HS6ST3: variants seen among roughly 807,000 people sequenced by gnomAD.
HS6ST3 encodes the protein heparan-sulfate 6-O-sulfotransferase 3.
Under a neutral mutation model 36.7 loss-of-function variants are expected in HS6ST3, and 12 were observed. The observed-to-expected ratio is 0.33, with a 90% confidence interval of 0.21 to 0.53. The LOEUF (loss-of-function observed/expected upper bound fraction) is 0.53, where lower values mean the gene tolerates loss of function less well. Among genes scored for constraint, HS6ST3 ranks in the 20% least tolerant of loss-of-function variants. The pLI, the probability that HS6ST3 is intolerant of heterozygous loss-of-function variation, is 0.95. For synonymous variants in HS6ST3, 240 were observed against 257.5 expected, an observed-to-expected ratio of 0.93 and a Z score of 0.65; for missense variants, 584 against 640.9, an observed-to-expected ratio of 0.91 and a Z score of 0.96.
Position 96,113,933 on chromosome 13 carries a change from T to A in HS6ST3, c.707+22364T>A, listed in dbSNP as rs2053882035. ...ACTATGGTACAACAAATTGATGTAA[T>A]ATTATGCCCCCATTAAAATGATAAT... On this transcript the variant is annotated intron_variant, in intron 1 of 1. Coordinates refer to ENST00000376705, the MANE Select transcript of HS6ST3 (RefSeq NM_153456.4). Among the ~76,000 whole-genome samples, 3 of 152,104 alleles carry A rather than the reference T, an allele frequency of 2.0e-5. No individual in the cohort carries two copies. The South Asian group carries it at 6.2e-4, about 32-fold the overall frequency.
intron 1 of HS6ST3, among the ~76,000 whole-genome samples, chr13:96,536,251 T>C (rs748897828): frequency 1.3e-5 from 2 of 152,220 alleles, no homozygotes; most frequent in Non-Finnish European, 2.9e-5. Context: ...ACTTAGAAGC[T>C]TTGGCAGAAA....
At chr13:96,686,128 A>G (rs1320028499) in intron 1 of HS6ST3, among the ~76,000 whole-genome samples, 2 of 151,942 alleles carry the variant, frequency 1.3e-5, no homozygotes, top group Non-Finnish European at 2.9e-5. Context: ...TCATCATCAC[A>G]CTTTCTCATT....
At chr13:96,651,614 A>AT (rs2056607925) in intron 1 of HS6ST3, among the ~76,000 whole-genome samples, 1 of 152,068 alleles carries the variant, frequency 6.6e-6, no homozygotes, top group Non-Finnish European at 1.5e-5. Context: ...TTAAAATTAG[A>AT]TAAAAAACTT....
chr13:96,530,789 A>G (rs1417567919), intron 1 of HS6ST3, among the ~76,000 whole-genome samples: 1 of 152,122 alleles, frequency 6.6e-6, no homozygotes, highest in South Asian at 2.1e-4. Flanking sequence ...TGCCCTGGCT[A>G]TGGTGTTTTC....
chr13:96,191,696 G>T (rs1013750208), intron 1 of HS6ST3, among the ~76,000 whole-genome samples: 1 of 152,060 alleles, frequency 6.6e-6, no homozygotes, highest in African/African-American at 2.4e-5. Context: ...TATCTGAAAG[G>T]CCTGAAACGG....
At chr13:96,688,321 G>A (rs867407407) in intron 1 of HS6ST3, among the ~76,000 whole-genome samples, 7 of 151,848 alleles carry the variant, frequency 4.6e-5, no homozygotes, top group African/African-American at 1.7e-4. Context: ...CTAGGCCAAG[G>A]GAGCGTGGAT....
intron 1 of HS6ST3, among the ~76,000 whole-genome samples, chr13:96,474,826 G>A (rs531708425): frequency 1.3e-5 from 2 of 152,222 alleles, no homozygotes; most frequent in South Asian, 4.2e-4. Flanking sequence ...ACAATCTTTG[G>A]ATTGCTCTGT....
chr13:96,342,321 G>A (rs2055134893), intron 1 of HS6ST3, among the ~76,000 whole-genome samples: 1 of 151,984 alleles, frequency 6.6e-6, no homozygotes, highest in South Asian at 2.1e-4. Context: ...ACTTCCTCTA[G>A]ACTGAGTTCC....
In HS6ST3 at chr13:96,428,888, C is replaced by G. The variant is rs17687228; in HGVS notation, c.707+337319C>G. On this transcript the variant is annotated intron_variant, in intron 1 of 1. Coordinates refer to ENST00000376705, the MANE Select transcript of HS6ST3 (RefSeq NM_153456.4). ...GGACAAAAATGCTCAATGGGAGAAC[C>G]AAGCTGCTTAAGCAGTAAATAGAAT... Among the ~76,000 whole-genome samples the G allele has an allele frequency of 5.8e-3, 886 of 152,232 alleles. 6 individuals carry two copies. Among genetic ancestry groups the G allele is most frequent in the Non-Finnish European group, 0.01 (713 of 68,020 alleles).
chr13:96,255,497 T>C (rs1008813623), intron 1 of HS6ST3, among the ~76,000 whole-genome samples: 1 of 152,202 alleles, frequency 6.6e-6, no homozygotes, highest in Non-Finnish European at 1.5e-5. Context: ...ACCATGCGAT[T>C]TAAATTCATT....
intron 1 of HS6ST3, among the ~76,000 whole-genome samples, chr13:96,703,717 T>C (rs1339967538): frequency 1.3e-5 from 2 of 152,208 alleles, no homozygotes; most frequent in African/African-American, 2.4e-5. Flanking sequence ...CATGTTGATA[T>C]TAGTCCTTAC....
intron 1 of HS6ST3, among the ~76,000 whole-genome samples, chr13:96,366,880 C>T (rs9584361): frequency 0.3 from 45,050 of 152,040 alleles, 7,916 homozygotes; most frequent in Non-Finnish European, 0.4. Context: ...GAATAAGTCT[C>T]GCAAGACCTG....
At chr13:96,307,302 T>C (rs905732283) in intron 1 of HS6ST3, among the ~76,000 whole-genome samples, 8 of 152,214 alleles carry the variant, frequency 5.3e-5, no homozygotes, top group African/African-American at 1.7e-4. Flanking sequence ...TAACATATCC[T>C]CGAAACAGAG....
At chr13:96,511,206 C>T (rs1302958778) in intron 1 of HS6ST3, among the ~76,000 whole-genome samples, 1 of 152,130 alleles carries the variant, frequency 6.6e-6, no homozygotes, top group Non-Finnish European at 1.5e-5. Context: ...CATCACTGAC[C>T]ATGCTGAGAT....
chr13:96,778,171 A>G (rs1877438662), intron 1 of HS6ST3, among the ~76,000 whole-genome samples: 1 of 152,218 alleles, frequency 6.6e-6, no homozygotes, highest in Admixed American at 6.5e-5. Context: ...TCAAAAATTG[A>G]CTCAAGACGG....
At chr13:96,512,792 T>C (rs1030714458) in intron 1 of HS6ST3, among the ~76,000 whole-genome samples, 3 of 152,056 alleles carry the variant, frequency 2.0e-5, no homozygotes, top group Middle Eastern at 3.4e-3. Flanking sequence ...GATTCAATTG[T>C]TTTTTTTCTG....
At chr13:96,553,259 C>T (rs1199437442) in intron 1 of HS6ST3, among the ~76,000 whole-genome samples, 2 of 152,182 alleles carry the variant, frequency 1.3e-5, no homozygotes, top group East Asian at 3.9e-4. Flanking sequence ...CATATGCTTA[C>T]TGAGCACCTA....
intron 1 of HS6ST3, among the ~76,000 whole-genome samples, chr13:96,594,476 C>A (rs762859005): frequency 1.6e-4 from 24 of 152,036 alleles, no homozygotes; most frequent in Non-Finnish European, 3.1e-4. Context: ...TGTGTATCTA[C>A]TATAGACCTT....
intron 1 of HS6ST3, among the ~76,000 whole-genome samples, chr13:96,809,486 A>G (rs1878269201): frequency 6.6e-6 from 1 of 152,232 alleles, no homozygotes; most frequent in African/African-American, 2.4e-5. Context: ...CGACATATTA[A>G]CAAACACAGA....
Sources: allele counts gnomAD v4.1 joint callset (sites outside exome capture counted in the v4.1 genomes callset), GRCh38; gene constraint gnomAD v4.1.1; transcripts MANE v1.5; gene names NCBI Gene and HGNC (gene_info 2026-07-23, HGNC 2026-07-21).